The following MYO1G variants were observed in gnomAD, a reference collection of about 807,000 sequenced individuals.
MYO1G encodes myosin IG.
Under a neutral mutation model 115.3 loss-of-function variants are expected in MYO1G, and 65 were observed. The ratio of observed to expected loss-of-function variants is 0.56; its 90% CI spans 0.46 to 0.69. The LOEUF (loss-of-function observed/expected upper bound fraction) is 0.69. Among genes scored for constraint, MYO1G ranks in the 30% least tolerant of loss-of-function variants. MYO1G has a pLI of 0.00. For synonymous variants in MYO1G, 510 were observed against 552.6 expected (o/e 0.92, Z 1.08); for missense variants, 1,204 against 1,393.5 (o/e 0.86, Z 2.16).
At position 44,962,909 on chromosome 7, in the gene MYO1G, A is replaced by G; in HGVS notation, c.2901-14T>C. 6.7e-7 allele frequency: 1 copy of G among 1,489,680 alleles called. No individual in the cohort carries two copies. Among genetic ancestry groups the G allele is most frequent in the Non-Finnish European group, 8.9e-7 (1 of 1,121,640 alleles). The allele number at this position is 1,489,680 out of a possible 1,614,324, so 92.3% of individuals were successfully genotyped here. A position where few individuals can be genotyped will look rare whatever the true frequency, so the allele number is the denominator to read the frequency against. On this transcript the variant is annotated splice_polypyrimidine_tract_variant and intron_variant, in intron 21 of 21. Coordinates refer to ENST00000258787, the MANE Select transcript of MYO1G (RefSeq NM_033054.3). This position sits in a 1 kb window ranked among gnomAD's most constrained non-coding sequence, Gnocchi z 5.3. ...GTGCGGCCCTCCCTGCGGCAGGAGG[A>G]GGGGTCAGGGCGGCCACGCGGCCGG... is the stretch of plus-strand genomic sequence containing the variant.
rs374870794 is a variant in MYO1G, at chr7:44,976,847, C to T, written c.304+16G>A. ...GAAGATGCCGAGGGTGGGGGCCCGG[C>T]GGCAGGGACAGGTACCTGAGATGAC... On this transcript the variant is annotated intron_variant, in intron 2 of 21. Transcript: ENST00000258787. The T allele has an allele frequency of 1.9e-4, 308 of 1,612,000 alleles. 2 individuals carry two copies. In the African/African-American group the frequency reaches 3.4e-3, roughly 18 times the overall value.
Position 44,969,872 on chromosome 7 carries a change from C to G in MYO1G, c.1336G>C (p.Glu446Gln). The change falls in exon 11 of 22, where the codon GAG becomes CAG. Residue 446 changes from glutamate (E) to glutamine (Q), a missense_variant. Glu to Gln is a conservative substitution (Grantham distance 29). Transcript: ENST00000258787. The surrounding 1 kb of genome is among the most constrained non-coding windows in gnomAD (Gnocchi z 5.0). ...EREGITWQSVEYFNNATIVDL... is the reference protein window; with the variant it reads ...EREGITWQSVQYFNNATIVDL... Reference sequence around the variant, plus strand: ...ACAATGGTGGCGTTGTTGAAATACTCAACCTGGGGCAAAGGCAGCCAGCAA... The same window carrying G: ...ACAATGGTGGCGTTGTTGAAATACTGAACCTGGGGCAAAGGCAGCCAGCAA... 6.2e-7 allele frequency: 1 copy of G among 1,602,214 alleles called. No individual in the cohort carries two copies.
In MYO1G at chr7:44,966,542, G is replaced by A. The variant is rs1485528773; in HGVS notation, c.1949+130C>T. The stretch of plus-strand genomic sequence containing the variant: ...CTTCCCAGATATTTTGGTGTCTTGA[G>A]GCCAGCAGCGTGCTGGTTCCTGCTT... On this transcript the variant is annotated intron_variant, in intron 15 of 21. Transcript: ENST00000258787. The surrounding 1 kb of genome is among the most constrained non-coding windows in gnomAD (Gnocchi z 5.0). 4 of 1,194,086 alleles carry A rather than the reference G, an allele frequency of 3.3e-6. No homozygotes were observed. In the Admixed American group the frequency reaches 5.8e-5, roughly 17 times the overall value. The allele number at this position is 1,194,086 out of a possible 1,614,324, so 74.0% of individuals were successfully genotyped here.
Position 44,966,855 on chromosome 7 carries a change from G to A in MYO1G, c.1783-17C>T, listed in dbSNP as rs756105120. The A allele has an allele frequency of 6.3e-7, 1 of 1,589,254 alleles. No individual in the cohort carries two copies. Among genetic ancestry groups the A allele is most frequent in the South Asian group, 1.1e-5 (1 of 87,254 alleles). On this transcript the variant is annotated splice_polypyrimidine_tract_variant and intron_variant, in intron 14 of 21. Coordinates refer to ENST00000258787, the MANE Select transcript of MYO1G (RefSeq NM_033054.3). The surrounding 1 kb of genome is among the most constrained non-coding windows in gnomAD (Gnocchi z 5.0). Reference sequence around the variant, plus strand: ...GAAGGGCTCCTGCAGGGACAGAGGGGACTTGGAGAGGGTCTGCGCCAGCAG... The same window carrying A: ...GAAGGGCTCCTGCAGGGACAGAGGGAACTTGGAGAGGGTCTGCGCCAGCAG...
rs759384283 is a variant in MYO1G at position 44,966,302 on chromosome 7, G to A, written c.1950-22C>T. 4 of 1,572,512 alleles carry A rather than the reference G, an allele frequency of 2.5e-6. No individual in the cohort carries two copies. Among genetic ancestry groups the A allele is most frequent in the Non-Finnish European group, 3.5e-6 (4 of 1,157,218 alleles). On this transcript the variant is annotated intron_variant, in intron 15 of 21. Transcript: ENST00000258787. This position sits in a 1 kb window ranked among gnomAD's most constrained non-coding sequence, Gnocchi z 5.0. ...GTACCTGTCACCACAGGACAGGGCA[G>A]TGTGGCCCAGGCCTGGGGGAGAGAT...
chr7:44,975,322 T>G, intron 4 of MYO1G, 95 bp from the exon 5 acceptor site: 1 of 1,529,228 alleles, frequency 6.5e-7, no homozygotes, highest in Non-Finnish European at 9.1e-7. Flanking sequence ...AGGCTGGGGG[T>G]CAGAGAGTCC....
At position 44,969,143 on chromosome 7, in the gene MYO1G, A is replaced by G. The variant is rs1257337581; in HGVS notation, c.1574+270T>C. The G allele has an allele frequency of 9.0e-6, 3 of 334,102 alleles. No individual in the cohort carries two copies. The highest frequency in any genetic ancestry group is 1.7e-5 in the Non-Finnish European group (3 of 172,576). The allele number at this position is 334,102 out of a possible 1,614,324, so 20.7% of individuals were successfully genotyped here. On this transcript the variant is annotated intron_variant, in intron 12 of 21. Transcript: ENST00000258787. The surrounding 1 kb of genome is among the most constrained non-coding windows in gnomAD (Gnocchi z 5.0). The stretch of plus-strand genomic sequence containing the variant: ...AGCCCCCCACCCCACAGATGCTGGT[A>G]TAGGGTTGGGCCCAGACATGAGACG...
rs1794809034 is a variant in MYO1G at position 44,964,747 on chromosome 7, AC to A, written c.2526+197del. On this transcript the variant is annotated intron_variant, in intron 18 of 21. Coordinates refer to ENST00000258787, the MANE Select transcript of MYO1G (RefSeq NM_033054.3). This position sits in a 1 kb window ranked among gnomAD's most constrained non-coding sequence, Gnocchi z 5.1. ...CCTGGCCCTCCTGTCATCCACACCC[AC>A]CCCCGAAGGCCACTGCTCCTGAAGC... Among the ~76,000 whole-genome samples, 1 of 151,314 alleles carries A rather than the reference AC, an allele frequency of 6.6e-6. No homozygotes were observed. Among genetic ancestry groups the A allele is most frequent in the African/African-American group, 2.4e-5 (1 of 41,062 alleles).
In MYO1G at chr7:44,970,935, C is replaced by T. The variant is rs762665139; in HGVS notation, c.971G>A (p.Arg324His). 428 of 1,613,518 alleles carry T rather than the reference C, an allele frequency of 2.7e-4. 1 individual carries two copies. The highest frequency in any genetic ancestry group is 2.5e-3 in the South Asian group (225 of 91,068). Residue 324 changes from arginine to histidine, a missense_variant, in exon 8 of 22, where the codon CGC becomes CAC. Physicochemically the swap from Arg to His is conservative, Grantham distance 29. Transcript: ENST00000258787. ...LTATPRDLVL[R>H]SLLARTVASG... ...GGCAACTGTGCGAGCCAGCAGGGAG[C>T]GGAGCACGAGGTCCCGGGGTGTGGC...
chr7:44,971,976 C>T (rs1244305917), intron 6 of MYO1G, 139 bp downstream of exon 6: 1 of 794,314 alleles, frequency 1.3e-6, no homozygotes, highest in African/African-American at 1.7e-5. Context: ...GCCATTTTCA[C>T]TCCACCCCGA....
rs1266863478 is a variant in MYO1G, at chr7:44,964,364, G to A, written c.2631+51C>T. ...TGCACCAGCTTCTAACCTTGCAGAC[G>A]TGGCTAGAAAAAGAGCACAGCCCTG... On this transcript the variant is annotated intron_variant, in intron 19 of 21. Coordinates refer to ENST00000258787, the MANE Select transcript of MYO1G (RefSeq NM_033054.3). The surrounding 1 kb of genome is among the most constrained non-coding windows in gnomAD (Gnocchi z 5.1). 14 of 1,538,318 alleles carry A rather than the reference G, an allele frequency of 9.1e-6. No homozygotes were observed. Among genetic ancestry groups the A allele is most frequent in the Admixed American group, 5.0e-5 (3 of 59,736 alleles).
rs58510473 is a variant in MYO1G at position 44,969,340 on chromosome 7, G to A, written c.1574+73C>T. On this transcript the variant is annotated intron_variant, in intron 12 of 21. Coordinates refer to ENST00000258787, the MANE Select transcript of MYO1G (RefSeq NM_033054.3). This position sits in a 1 kb window ranked among gnomAD's most constrained non-coding sequence, Gnocchi z 5.0. ...CCTGTCTCCGAGCCACTCCCCTGAA[G>A]CGCTCCTGCCCCATGACACATGCCA... is the stretch of plus-strand genomic sequence containing the variant. 6.6e-7 allele frequency: 1 copy of A among 1,517,088 alleles called. No homozygotes were observed. Among genetic ancestry groups the A allele is most frequent in the Admixed American group, 1.7e-5 (1 of 59,836 alleles). 94.0% of individuals were successfully genotyped at this position (1,517,088 alleles called of 1,614,324 possible). A position where few individuals can be genotyped will look rare whatever the true frequency, so the allele number is the denominator to read the frequency against.
chr7:44,970,223 T>C, intron 9 of MYO1G, 69 bp from the exon 10 acceptor site: 1 of 1,065,116 alleles, frequency 9.4e-7, no homozygotes, highest in South Asian at 1.3e-5. Flanking sequence ...GGGTGGCTGC[T>C]CCCCTGAACA....
intron 16 of MYO1G, 91 bp downstream of exon 16, chr7:44,965,982 T>C (rs759421058): frequency 6.4e-7 from 1 of 1,555,264 alleles, no homozygotes; most frequent in African/African-American, 1.4e-5. Flanking sequence ...AAGCAGAGAC[T>C]CCTGTGAAAC....
chr7:44,965,938 G>A (rs1794833559), intron 16 of MYO1G, 78 bp from the exon 17 acceptor site: 2 of 1,545,324 alleles, frequency 1.3e-6, no homozygotes, highest in African/African-American at 1.4e-5. Context: ...CTGGCCCTGA[G>A]CATTTATTGA....
intron 1 of MYO1G, among the ~76,000 whole-genome samples, chr7:44,977,515 T>C (rs1030131395): frequency 5.9e-5 from 9 of 152,108 alleles, no homozygotes; most frequent in African/African-American, 2.2e-4. Flanking sequence ...TCTCAAGGCC[T>C]GGGCGGGAAC....
chr7:44,966,896 C>T lies in MYO1G; in HGVS notation c.1783-58G>A. The T allele has an allele frequency of 1.3e-6, 2 of 1,522,684 alleles. No homozygotes were observed. The highest frequency in any genetic ancestry group is 2.6e-5 in the South Asian group (2 of 77,728). 94.3% of individuals were successfully genotyped at this position (1,522,684 alleles called of 1,614,324 possible). Reference sequence around the variant, plus strand: ...GCGCCAGCAGCACTGTGCACCCTGCCCCACACCAGGGGCTTCCTAACCCCT... The same window carrying T: ...GCGCCAGCAGCACTGTGCACCCTGCTCCACACCAGGGGCTTCCTAACCCCT... On this transcript the variant is annotated intron_variant, in intron 14 of 21. Transcript: ENST00000258787. The surrounding 1 kb of genome is among the most constrained non-coding windows in gnomAD (Gnocchi z 5.0).
intron 12 of MYO1G, among the ~76,000 whole-genome samples, chr7:44,968,186 C>T (rs189987403): frequency 2.7e-4 from 41 of 152,288 alleles, no homozygotes; most frequent in African/African-American, 9.6e-4. Context: ...GAAGATGAAT[C>T]GAGTGGTTAA....
Position 44,963,934 on chromosome 7 carries a change from G to T in MYO1G, c.2745+115C>A. 1.2e-6 allele frequency: 1 copy of T among 855,244 alleles called. No homozygotes were observed. The highest frequency in any genetic ancestry group is 1.8e-6 in the Non-Finnish European group (1 of 540,938). 53.0% of individuals were successfully genotyped at this position (855,244 alleles called of 1,614,324 possible). On this transcript the variant is annotated intron_variant, in intron 20 of 21. Transcript: ENST00000258787. This position sits in a 1 kb window ranked among gnomAD's most constrained non-coding sequence, Gnocchi z 4.1. ...CGGGTGCCACCATCGCTGAGTTTTAGGATGGTCTGGGCCATCTCAGGTAAA... is the reference window on the plus strand; with the variant it reads ...CGGGTGCCACCATCGCTGAGTTTTATGATGGTCTGGGCCATCTCAGGTAAA...
Sources: allele counts gnomAD v4.1 joint callset (sites outside exome capture counted in the v4.1 genomes callset), GRCh38; gene constraint gnomAD v4.1.1; non-coding constraint Gnocchi (gnomAD v3.1); transcripts MANE v1.5; gene names NCBI Gene and HGNC (gene_info 2026-07-23, HGNC 2026-07-21).